ST6GALNAC5: variants seen among roughly 807,000 people sequenced by gnomAD.
ST6GALNAC5 encodes alpha-N-acetylgalactosaminide alpha-2,6-sialyltransferase 5.
In ST6GALNAC5, 27 loss-of-function variants were observed where a neutral mutation model predicts 33.6. The ratio of observed to expected loss-of-function variants is 0.80; its 90% CI spans 0.59 to 1.11. The LOEUF (loss-of-function observed/expected upper bound fraction) is 1.11, where lower values mean the gene tolerates loss of function less well. ST6GALNAC5 is among the 50% of genes least tolerant of loss of function. The probability of loss-of-function intolerance (pLI) is 0.00; values close to 1 mark genes in which losing one functional copy is unlikely to be tolerated. For missense variants in ST6GALNAC5, 428 were observed against 454.0 expected, an observed-to-expected ratio of 0.94 and a Z score of 0.52; for synonymous variants, 194 against 171.2, an observed-to-expected ratio of 1.13 and a Z score of -1.04.
At chr1:76,922,482 A>G (rs1454438469) in intron 2 of ST6GALNAC5, among the ~76,000 whole-genome samples, 2 of 152,200 alleles carry the variant, frequency 1.3e-5, no homozygotes, top group African/African-American at 4.8e-5. Context: ...TACAAGCAAG[A>G]TATTTTTGGA....
chr1:77,039,495 T>C (rs1651765153), intron 2 of ST6GALNAC5, among the ~76,000 whole-genome samples: 1 of 152,232 alleles, frequency 6.6e-6, no homozygotes, highest in South Asian at 2.1e-4. Flanking sequence ...TAGCAAGGCC[T>C]GGGGTTTACA....
intron 2 of ST6GALNAC5, among the ~76,000 whole-genome samples, chr1:77,036,749 T>G (rs1160306831): frequency 6.6e-6 from 1 of 152,262 alleles, no homozygotes; most frequent in Non-Finnish European, 1.5e-5. Flanking sequence ...GTTGAACACC[T>G]TCTATGTGCT....
At chr1:76,902,084 G>GA (rs993019384) in intron 2 of ST6GALNAC5, among the ~76,000 whole-genome samples, 7 of 150,544 alleles carry the variant, frequency 4.6e-5, no homozygotes, top group African/African-American at 1.5e-4. Context: ...TTCTTTAAAA[G>GA]AAAAAAAAGC....
chr1:76,987,882 T>G (rs1649572877), intron 2 of ST6GALNAC5, among the ~76,000 whole-genome samples: 1 of 152,146 alleles, frequency 6.6e-6, no homozygotes, highest in Non-Finnish European at 1.5e-5. Context: ...AACTTCCCAG[T>G]GTTCTTAGAG....
chr1:77,042,683 T>C (rs544301019), intron 2 of ST6GALNAC5, among the ~76,000 whole-genome samples: 3 of 152,388 alleles, frequency 2.0e-5, no homozygotes, highest in African/African-American at 7.2e-5. Context: ...ATTTAGTGAA[T>C]GATCACTATG....
At chr1:77,015,316 AC>A (rs1650789412) in intron 2 of ST6GALNAC5, among the ~76,000 whole-genome samples, 1 of 152,012 alleles carries the variant, frequency 6.6e-6, no homozygotes, top group Non-Finnish European at 1.5e-5. Context: ...CCTTTCCTTA[AC>A]CTTTTGTCCT....
At chr1:76,950,558 G>C (rs1381711167) in intron 2 of ST6GALNAC5, among the ~76,000 whole-genome samples, 4 of 152,092 alleles carry the variant, frequency 2.6e-5, no homozygotes, top group Admixed American at 6.6e-5. Context: ...CCCTCAAGGA[G>C]ATGATAGTAA....
intron 2 of ST6GALNAC5, among the ~76,000 whole-genome samples, chr1:76,937,512 G>A (rs116424520): frequency 5.6e-4 from 85 of 152,152 alleles, no homozygotes; most frequent in Non-Finnish European, 7.2e-4. Context: ...GGGTTGAGGC[G>A]TCTGAGTTAT....
At chr1:76,901,170 C>T (rs905560704) in intron 2 of ST6GALNAC5, among the ~76,000 whole-genome samples, 1 of 152,196 alleles carries the variant, frequency 6.6e-6, no homozygotes, top group African/African-American at 2.4e-5. Context: ...TACACATCAA[C>T]ACAGGGCCAA....
chr1:77,046,966 G>A (rs1652034387), intron 3 of ST6GALNAC5, among the ~76,000 whole-genome samples: 1 of 152,194 alleles, frequency 6.6e-6, no homozygotes, highest in Non-Finnish European at 1.5e-5. Context: ...CTCACAGCAA[G>A]GCATATCCTG....
At chr1:77,026,308 A>T (rs1651229963) in intron 2 of ST6GALNAC5, among the ~76,000 whole-genome samples, 1 of 152,102 alleles carries the variant, frequency 6.6e-6, no homozygotes, top group Non-Finnish European at 1.5e-5. Flanking sequence ...TGCTCCTCTT[A>T]TGTTAATTTC....
intron 2 of ST6GALNAC5, among the ~76,000 whole-genome samples, chr1:77,032,063 T>C (rs1035212783): frequency 1.3e-5 from 2 of 152,146 alleles, no homozygotes; most frequent in Admixed American, 1.3e-4. Context: ...AATATTATTA[T>C]TATCTCAGTT....
chr1:76,971,672 A>G (rs543808439), intron 2 of ST6GALNAC5, among the ~76,000 whole-genome samples: 1 of 152,268 alleles, frequency 6.6e-6, no homozygotes, highest in African/African-American at 2.4e-5. Context: ...ACTCTTTCAG[A>G]ATACTCACAT....
chr1:77,027,067 C>T (rs778904680), intron 2 of ST6GALNAC5, among the ~76,000 whole-genome samples: 56 of 152,228 alleles, frequency 3.7e-4, no homozygotes, highest in African/African-American at 4.8e-5. Flanking sequence ...ACTCCAAAGA[C>T]AGAAAGCAAC....
chr1:76,983,834 A>G (rs1187624654), intron 2 of ST6GALNAC5, among the ~76,000 whole-genome samples: 1 of 152,258 alleles, frequency 6.6e-6, no homozygotes, highest in Non-Finnish European at 1.5e-5. Context: ...CTGCAATCAA[A>G]TTAGAACTCA....
intron 2 of ST6GALNAC5, among the ~76,000 whole-genome samples, chr1:76,890,545 G>GTTTT (rs34481431): frequency 1.2e-4 from 17 of 145,572 alleles, no homozygotes; most frequent in African/African-American, 4.0e-4. Flanking sequence ...TTTTACTTCA[G>GTTTT]TTTTTTTTTT....
At chr1:76,908,273 AT>A (rs1230750066) in intron 2 of ST6GALNAC5, among the ~76,000 whole-genome samples, 2 of 152,114 alleles carry the variant, frequency 1.3e-5, no homozygotes, top group African/African-American at 4.8e-5. Context: ...GCAGTGGCAG[AT>A]TTGATGTCAG....
At chr1:77,000,944 C>CT (rs1378435187) in intron 2 of ST6GALNAC5, among the ~76,000 whole-genome samples, 3 of 151,638 alleles carry the variant, frequency 2.0e-5, no homozygotes, top group African/African-American at 7.3e-5. Context: ...CAGCTTTGTT[C>CT]TTTTGGCTTA....
chr1:77,004,243 C>G (rs1434592598), intron 2 of ST6GALNAC5, among the ~76,000 whole-genome samples: 9 of 150,922 alleles, frequency 6.0e-5, no homozygotes, highest in Admixed American at 5.9e-4. Context: ...TCATTCATTT[C>G]ATCTTCCATC....
Sources: allele counts gnomAD v4.1 joint callset (sites outside exome capture counted in the v4.1 genomes callset), GRCh38; gene constraint gnomAD v4.1.1; transcripts MANE v1.5; gene names NCBI Gene and HGNC (gene_info 2026-07-23, HGNC 2026-07-21).